NCALD: variants seen among roughly 807,000 people sequenced by gnomAD.
The protein encoded by NCALD is neurocalcin-delta.
Under a neutral mutation model 18.6 loss-of-function variants are expected in NCALD, and 10 were observed. That is an observed-to-expected ratio of 0.54 (90% confidence interval 0.33 to 0.91). The LOEUF (loss-of-function observed/expected upper bound fraction) is 0.91. Among genes scored for constraint, NCALD ranks in the 40% least tolerant of loss-of-function variants. The pLI, the probability that NCALD is intolerant of heterozygous loss-of-function variation, is 0.03. For missense variants in NCALD, 184 were observed against 247.6 expected, an observed-to-expected ratio of 0.74 and a Z score of 1.72; for synonymous variants, 88 against 87.4, an observed-to-expected ratio of 1.01 and a Z score of -0.04.
chr8:101,765,141 T>C (rs1488986685), intron 1 of NCALD, among the ~76,000 whole-genome samples: 1 of 152,202 alleles, frequency 6.6e-6, no homozygotes, highest in Non-Finnish European at 1.5e-5. Flanking sequence ...GTTATCCTAA[T>C]ATAGACTTCT....
At chr8:101,884,231 G>A (rs1816592488) in intron 4 of NCALD, among the ~76,000 whole-genome samples, 1 of 152,100 alleles carries the variant, frequency 6.6e-6, no homozygotes, top group Non-Finnish European at 1.5e-5. Flanking sequence ...ACTAGGTGTG[G>A]TACCTGCATT....
At position 102,012,109 on chromosome 8, in the gene NCALD, T is replaced by C. The variant is rs1821923943; in HGVS notation, c.-157+8128A>G. On this transcript the variant is annotated intron_variant, in intron 2 of 6. Coordinates refer to the NCALD transcript ENST00000311028. Reference sequence around the variant, plus strand: ...AGTCCTGGGTACTTTGAGTCCACACTGGGAATGCAGAATGCTCTTCCCTTA... The same window carrying C: ...AGTCCTGGGTACTTTGAGTCCACACCGGGAATGCAGAATGCTCTTCCCTTA... Among the ~76,000 whole-genome samples, 4 of 152,096 alleles carry C rather than the reference T, an allele frequency of 2.6e-5. No homozygotes were observed. In the South Asian group the frequency reaches 8.3e-4, roughly 32 times the overall value.
intron 4 of NCALD, among the ~76,000 whole-genome samples, chr8:101,828,835 G>A (rs1264790071): frequency 1.3e-5 from 2 of 151,444 alleles, no homozygotes; most frequent in African/African-American, 4.9e-5. Context: ...TGGGTTTTTC[G>A]ACGGTTTTGT....
At chr8:101,845,389 T>C (rs1202468848) in intron 4 of NCALD, among the ~76,000 whole-genome samples, 2 of 152,174 alleles carry the variant, frequency 1.3e-5, no homozygotes, top group African/African-American at 4.8e-5. Context: ...CTTTTTATTA[T>C]ACTTAATTGT....
chr8:101,892,662 G>C (rs1285785333), intron 3 of NCALD, among the ~76,000 whole-genome samples: 1 of 150,324 alleles, frequency 6.7e-6, no homozygotes, highest in Non-Finnish European at 1.5e-5. Context: ...ACAGAGAAGT[G>C]CTTAAAGGAG....
At chr8:102,017,982 C>T (rs1822146356) in intron 2 of NCALD, among the ~76,000 whole-genome samples, 1 of 152,092 alleles carries the variant, frequency 6.6e-6, no homozygotes, top group Non-Finnish European at 1.5e-5. Flanking sequence ...CAAAGTAGGA[C>T]ATGAAAAGGT....
intron 2 of NCALD, among the ~76,000 whole-genome samples, chr8:101,974,303 CTTTG>C (rs1820344970): frequency 6.6e-5 from 10 of 152,098 alleles, no homozygotes; most frequent in African/African-American, 2.4e-4. Flanking sequence ...ATTTTATGAT[CTTTG>C]ATATATAAAC....
intron 2 of NCALD, among the ~76,000 whole-genome samples, chr8:101,940,088 T>G (rs1818901679): frequency 6.6e-6 from 1 of 152,254 alleles, no homozygotes; most frequent in Non-Finnish European, 1.5e-5. Context: ...GTTAAAGTTG[T>G]ACTTCTTTAA....
At chr8:101,767,322 A>G (rs1261687857) in intron 1 of NCALD, among the ~76,000 whole-genome samples, 1 of 152,250 alleles carries the variant, frequency 6.6e-6, no homozygotes, top group East Asian at 1.9e-4. Context: ...CAATAAATAA[A>G]TACTAGTGTT....
At chr8:101,877,777 G>GAT (rs1013024157) in intron 4 of NCALD, among the ~76,000 whole-genome samples, 3 of 152,028 alleles carry the variant, frequency 2.0e-5, no homozygotes, top group African/African-American at 7.3e-5. Flanking sequence ...TAAATAAGTT[G>GAT]ATATATATAA....
chr8:101,889,773 C>T (rs958143166), intron 3 of NCALD, among the ~76,000 whole-genome samples: 25 of 152,206 alleles, frequency 1.6e-4, no homozygotes, highest in African/African-American at 6.0e-4. Context: ...CCTTGACTTT[C>T]TCATCCACCT....
In NCALD at chr8:101,689,378, T is replaced by A; in HGVS notation, c.513A>T (p.Arg171=). The A allele has an allele frequency of 6.2e-7, 1 of 1,611,284 alleles. No homozygotes were observed. Among genetic ancestry groups the A allele is most frequent in the Non-Finnish European group, 8.5e-7 (1 of 1,178,788 alleles). The change falls in exon 4 of 4, where the codon CGA becomes CGT. Residue 171 remains arginine, a synonymous_variant. Transcript: ENST00000220931. The surrounding 1 kb of genome is among the most constrained non-coding windows in gnomAD (Gnocchi z 4.4). Reference sequence around the variant, plus strand: ...CAATGGACGGGTCGCTTTTGGCTCCTCGGATGAACTCTTCCAGGGAGAGTT... The same window carrying A: ...CAATGGACGGGTCGCTTTTGGCTCCACGGATGAACTCTTCCAGGGAGAGTT... ...DGKLSLEEFI[R]GAKSDPSIVR...
intron 4 of NCALD, among the ~76,000 whole-genome samples, chr8:101,879,666 C>G (rs971576917): frequency 6.6e-6 from 1 of 152,146 alleles, no homozygotes; most frequent in Non-Finnish European, 1.5e-5. Context: ...TTACAGAGAG[C>G]TGATTGGTCT....
intron 4 of NCALD, among the ~76,000 whole-genome samples, chr8:101,841,993 C>A (rs1814661676): frequency 6.6e-6 from 1 of 152,160 alleles, no homozygotes; most frequent in Non-Finnish European, 1.5e-5. Context: ...CACTAAGTGG[C>A]TAAAGCAACA....
chr8:102,028,362 T>A (rs1308802325), intron 1 of NCALD, among the ~76,000 whole-genome samples: 1 of 152,226 alleles, frequency 6.6e-6, no homozygotes, highest in Non-Finnish European at 1.5e-5. Flanking sequence ...GTTAATTTTT[T>A]AAATAAAAAG....
intron 2 of NCALD, among the ~76,000 whole-genome samples, chr8:101,973,267 T>C (rs1052899115): frequency 2.0e-5 from 3 of 152,166 alleles, no homozygotes; most frequent in Non-Finnish European, 4.4e-5. Flanking sequence ...TATGTCTCCA[T>C]AGGCTCCTCT....
intron 4 of NCALD, among the ~76,000 whole-genome samples, chr8:101,802,676 T>C (rs1368498352): frequency 3.3e-5 from 5 of 151,940 alleles, no homozygotes; most frequent in African/African-American, 1.2e-4. Flanking sequence ...TAAGCCAAAG[T>C]CTGTTCTTAA....
chr8:101,936,382 T>C (rs1255371671), intron 2 of NCALD, among the ~76,000 whole-genome samples: 1 of 152,062 alleles, frequency 6.6e-6, no homozygotes. Flanking sequence ...CAGTGACTAC[T>C]AGAATGGAAC....
At chr8:101,959,067 C>A (rs1374661016) in intron 2 of NCALD, among the ~76,000 whole-genome samples, 2 of 152,108 alleles carry the variant, frequency 1.3e-5, no homozygotes, top group African/African-American at 4.8e-5. Flanking sequence ...TTATGTTCAT[C>A]CACTAGTCCT....
Sources: gnomAD v4.1 joint callset for allele counts (sites outside exome capture counted in the v4.1 genomes callset) on GRCh38, gnomAD v4.1.1 for gene constraint, Gnocchi (gnomAD v3.1) non-coding constraint, MANE v1.5 for transcripts, NCBI Gene and HGNC (gene_info 2026-07-23, HGNC 2026-07-21) for gene names.